Variants in DOK6 observed in about 807,000 individuals in gnomAD.
DOK6 encodes the protein downstream of tyrosine kinase 6.
In DOK6, 22 loss-of-function variants were observed where a neutral mutation model predicts 44.0. The ratio of observed to expected loss-of-function variants is 0.50; its 90% confidence interval spans 0.36 to 0.71. DOK6 has a LOEUF of 0.71. Ranked by LOEUF, DOK6 falls within the 30% of genes least tolerant of loss-of-function variation. The probability of loss-of-function intolerance (pLI) is 0.00; values close to 1 mark genes in which losing one functional copy is unlikely to be tolerated. For synonymous variants in DOK6, 166 were observed against 145.5 expected, an observed-to-expected ratio of 1.14 and a Z score of -1.01; for missense variants, 340 against 416.4, an observed-to-expected ratio of 0.82 and a Z score of 1.60.
chr18:69,713,584 C>A (rs941781090), intron 5 of DOK6, among the ~76,000 whole-genome samples: 5 of 152,038 alleles, frequency 3.3e-5, no homozygotes, highest in African/African-American at 1.2e-4. Context: ...CACATGTGAT[C>A]ATATATTTTT....
intron 5 of DOK6, among the ~76,000 whole-genome samples, chr18:69,725,675 A>T (rs1369058733): frequency 2.0e-5 from 3 of 152,000 alleles, no homozygotes; most frequent in Non-Finnish European, 2.9e-5. Context: ...TTTAGTAGAG[A>T]CAGAGTTTCA....
intron 3 of DOK6, among the ~76,000 whole-genome samples, chr18:69,618,092 C>G (rs956438229): frequency 2.0e-5 from 3 of 152,164 alleles, no homozygotes; most frequent in Non-Finnish European, 4.4e-5. Flanking sequence ...AATGTGAAGC[C>G]TTGCCAACAA....
Position 69,440,994 on chromosome 18 carries a change from C to T in DOK6, c.66+39684C>T, listed in dbSNP as rs111929185. Reference sequence around the variant, plus strand: ...TAGGCTAACTTAAAAAATTAGTTGACTATTTTAAGCGTTTGAAATTACAAA... The same window carrying T: ...TAGGCTAACTTAAAAAATTAGTTGATTATTTTAAGCGTTTGAAATTACAAA... On this transcript the variant is annotated intron_variant, in intron 1 of 7. Coordinates refer to ENST00000382713, the MANE Select transcript of DOK6 (RefSeq NM_152721.6). Among the ~76,000 whole-genome samples the T allele has an allele frequency of 5.3e-3, 805 of 152,148 alleles. 15 individuals are homozygous for T. Among genetic ancestry groups the T allele is most frequent in the African/African-American group, 0.018 (757 of 41,534 alleles).
At chr18:69,535,404 C>G (rs890027409) in intron 1 of DOK6, among the ~76,000 whole-genome samples, 3 of 151,872 alleles carry the variant, frequency 2.0e-5, no homozygotes, top group Non-Finnish European at 4.4e-5. Flanking sequence ...TTCCTGAAAT[C>G]TCTGTAATTC....
intron 1 of DOK6, among the ~76,000 whole-genome samples, chr18:69,420,447 C>A (rs1473956565): frequency 6.6e-6 from 1 of 152,006 alleles, no homozygotes; most frequent in Non-Finnish European, 1.5e-5. Context: ...CTATACTGTT[C>A]TGTGGGCAGG....
Position 69,774,133 on chromosome 18 carries a change from G to GATATATATAGATATATAGAT in DOK6, c.856+16269_856+16270insGATATATAGATATATATATA. Among the ~76,000 whole-genome samples, 2 of 66,896 alleles carry GATATATATAGATATATAGAT rather than the reference G, an allele frequency of 3.0e-5. 1 individual carries two copies. The highest frequency in any genetic ancestry group is 1.4e-3 in the East Asian group (2 of 1,442). The allele number at this position is 66,896 out of a possible 152,430, so 43.9% of individuals were successfully genotyped here. On this transcript the variant is annotated intron_variant, in intron 7 of 7. Transcript: ENST00000382713. Reference sequence around the variant, plus strand: ...TAGATTTATATAGATATATATATGAGATATATATATATATATATATATAAT... The same window carrying GATATATATAGATATATAGAT: ...TAGATTTATATAGATATATATATGAGATATATATAGATATATAGATATATATATATATATATATATATAAT...
chr18:69,461,133 A>G (rs1281845096), intron 1 of DOK6, among the ~76,000 whole-genome samples: 2 of 152,164 alleles, frequency 1.3e-5, no homozygotes, highest in African/African-American at 4.8e-5. Flanking sequence ...AAGCAAGCAC[A>G]TTCTTTTTTG....
intron 7 of DOK6, among the ~76,000 whole-genome samples, chr18:69,767,671 C>A (rs1332713124): frequency 7.2e-5 from 11 of 152,196 alleles, no homozygotes; most frequent in Admixed American, 6.5e-4. Flanking sequence ...TTTCTTCCTC[C>A]ATGAGGCCCC....
At chr18:69,587,613 A>G (rs1029108541) in intron 2 of DOK6, among the ~76,000 whole-genome samples, 2 of 152,200 alleles carry the variant, frequency 1.3e-5, no homozygotes, top group African/African-American at 4.8e-5. Flanking sequence ...AAGTTTGTCC[A>G]TCTGCTAGGT....
At chr18:69,553,653 G>A (rs1191663429) in intron 1 of DOK6, among the ~76,000 whole-genome samples, 2 of 152,158 alleles carry the variant, frequency 1.3e-5, no homozygotes, top group Admixed American at 6.5e-5. Flanking sequence ...CAACAAGTGT[G>A]GATTTAACAC....
chr18:69,770,172 CATG>C (rs990869692), intron 7 of DOK6, among the ~76,000 whole-genome samples: 4 of 152,048 alleles, frequency 2.6e-5, no homozygotes, highest in African/African-American at 4.8e-5. Flanking sequence ...TTGACAGTTT[CATG>C]ATATTTAATC....
intron 3 of DOK6, among the ~76,000 whole-genome samples, chr18:69,602,990 G>T (rs1983908170): frequency 6.6e-6 from 1 of 152,128 alleles, no homozygotes; most frequent in Non-Finnish European, 1.5e-5. Context: ...CTGTTCAGTG[G>T]CTTGATAGGA....
intron 1 of DOK6, among the ~76,000 whole-genome samples, chr18:69,539,772 T>C (rs1290263245): frequency 6.6e-6 from 1 of 152,222 alleles, no homozygotes; most frequent in Non-Finnish European, 1.5e-5. Flanking sequence ...ATCTAAGATG[T>C]ACATTTTAGA....
chr18:69,560,415 C>A (rs4624296), intron 1 of DOK6, among the ~76,000 whole-genome samples: 43,627 of 151,750 alleles, frequency 0.29, 6,535 homozygotes, highest in East Asian at 0.56. Context: ...TTTTTCTTTT[C>A]TTTTCAGTCA....
At chr18:69,558,353 G>T (rs1982740543) in intron 1 of DOK6, among the ~76,000 whole-genome samples, 1 of 152,054 alleles carries the variant, frequency 6.6e-6, no homozygotes, top group Non-Finnish European at 1.5e-5. Context: ...CATTGACACA[G>T]AATGACACTT....
intron 7 of DOK6, among the ~76,000 whole-genome samples, chr18:69,802,500 G>T (rs563404717): frequency 6.6e-6 from 1 of 152,158 alleles, no homozygotes; most frequent in Non-Finnish European, 1.5e-5. Context: ...TGGATGTTTT[G>T]TCACCTCCAA....
intron 1 of DOK6, among the ~76,000 whole-genome samples, chr18:69,470,335 G>A (rs1339774260): frequency 1.3e-5 from 2 of 152,160 alleles, no homozygotes; most frequent in Non-Finnish European, 2.9e-5. Flanking sequence ...GAGCTTCTGA[G>A]CTATCTTTGT....
chr18:69,411,450 A>G (rs1369888094), intron 1 of DOK6, among the ~76,000 whole-genome samples: 2 of 152,190 alleles, frequency 1.3e-5, no homozygotes, highest in African/African-American at 2.4e-5. Flanking sequence ...GTATGCTTCC[A>G]CAGGCTAGCC....
chr18:69,468,968 T>G (rs1980007470), intron 1 of DOK6, among the ~76,000 whole-genome samples: 1 of 152,214 alleles, frequency 6.6e-6, no homozygotes, highest in Non-Finnish European at 1.5e-5. Context: ...TACTTGGATA[T>G]TTGGGACAAA....
Sources: allele counts gnomAD v4.1 joint callset (sites outside exome capture counted in the v4.1 genomes callset), GRCh38; gene constraint gnomAD v4.1.1; transcripts MANE v1.5; gene names NCBI Gene and HGNC (gene_info 2026-07-23, HGNC 2026-07-21).